Variants in GRIK1 observed in about 807,000 individuals in gnomAD.
The protein encoded by GRIK1 is glutamate ionotropic receptor kainate type subunit 1.
A neutral mutation model predicts 105.7 loss-of-function variants in GRIK1; 69 were observed. The ratio of observed to expected loss-of-function variants is 0.65; its 90% CI spans 0.54 to 0.80. The LOEUF is 0.80. Ranked by LOEUF, GRIK1 falls within the 30% of genes least tolerant of loss-of-function variation. The pLI, the probability that GRIK1 is intolerant of heterozygous loss-of-function variation, is 0.00. For missense variants in GRIK1, 1,109 were observed against 1,167.3 expected, an observed-to-expected ratio of 0.95 and a Z score of 0.73; for synonymous variants, 438 against 431.3, an observed-to-expected ratio of 1.02 and a Z score of -0.19.
chr21:29,564,843 G>A (rs1049668427), intron 14 of GRIK1, among the ~76,000 whole-genome samples: 11 of 152,160 alleles, frequency 7.2e-5, no homozygotes, highest in African/African-American at 2.4e-5. Flanking sequence ...ATTTCTAAAC[G>A]CTTACTCTCA....
At chr21:29,564,366 C>G (rs900935389) in intron 14 of GRIK1, among the ~76,000 whole-genome samples, 1 of 152,116 alleles carries the variant, frequency 6.6e-6, no homozygotes, top group Non-Finnish European at 1.5e-5. Flanking sequence ...CCGGGATGGT[C>G]TCGATCTCCT....
intron 1 of GRIK1, among the ~76,000 whole-genome samples, chr21:29,863,862 C>T (rs2068722947): frequency 6.6e-6 from 1 of 152,114 alleles, no homozygotes; most frequent in African/African-American, 2.4e-5. Context: ...CTTCAGTCAC[C>T]TACAGAATTA....
At position 29,826,129 on chromosome 21, in the gene GRIK1, C is replaced by T. The variant is rs116781016; in HGVS notation, c.118+113254G>A. Among the ~76,000 whole-genome samples, 365 of 152,186 alleles carry T rather than the reference C, an allele frequency of 2.4e-3. 2 individuals are homozygous for T. Among genetic ancestry groups the T allele is most frequent in the African/African-American group, 7.8e-3 (324 of 41,540 alleles). On this transcript the variant is annotated intron_variant, in intron 1 of 17. Coordinates refer to ENST00000327783, the MANE Select transcript of GRIK1 (RefSeq NM_001330994.2). ...TTCTCTCTTCCTCATAACAAAATTC[C>T]TGGGTGACGATCTGTATATTGGTCA...
chr21:29,723,474 T>A (rs1425694057), intron 1 of GRIK1, among the ~76,000 whole-genome samples: 1 of 152,220 alleles, frequency 6.6e-6, no homozygotes, highest in Non-Finnish European at 1.5e-5. Flanking sequence ...CAAATTTCTC[T>A]CATGAGAGGA....
intron 1 of GRIK1, among the ~76,000 whole-genome samples, chr21:29,937,055 T>C (rs1218931491): frequency 2.6e-5 from 4 of 152,168 alleles, no homozygotes; most frequent in Admixed American, 1.3e-4. Context: ...CAGGATATAA[T>C]AAAGAATACA....
intron 1 of GRIK1, among the ~76,000 whole-genome samples, chr21:29,782,285 A>G (rs1204038278): frequency 2.0e-5 from 3 of 151,326 alleles, no homozygotes; most frequent in Non-Finnish European, 4.4e-5. Context: ...ACAGGGTTTC[A>G]CCGTGTTAGC....
At chr21:29,754,141 G>C (rs1403916511) in intron 1 of GRIK1, among the ~76,000 whole-genome samples, 1 of 152,114 alleles carries the variant, frequency 6.6e-6, no homozygotes, top group Non-Finnish European at 1.5e-5. Context: ...AACCTCTCCT[G>C]CATAGTAAAA....
At chr21:29,899,978 G>T (rs1258336964) in intron 1 of GRIK1, among the ~76,000 whole-genome samples, 1 of 151,530 alleles carries the variant, frequency 6.6e-6, no homozygotes, top group East Asian at 1.9e-4. Context: ...ACTGTGCTGG[G>T]TACAGAAAAC....
At chr21:29,851,937 C>T (rs1290642483) in intron 1 of GRIK1, among the ~76,000 whole-genome samples, 2 of 152,214 alleles carry the variant, frequency 1.3e-5, no homozygotes, top group Non-Finnish European at 2.9e-5. Flanking sequence ...CTCTTAAAGA[C>T]ACTACCATTC....
chr21:29,616,365 A>G lies in GRIK1; in HGVS notation c.1099-17428T>C, dbSNP rs574259820. Reference sequence around the variant, plus strand: ...CTTTCAGCTCTAGGGGTCCTTTATCATTCTTTGACAGGCTTTTATCATTTA... The same window carrying G: ...CTTTCAGCTCTAGGGGTCCTTTATCGTTCTTTGACAGGCTTTTATCATTTA... On this transcript the variant is annotated intron_variant, in intron 7 of 17. Transcript: ENST00000327783. Among the ~76,000 whole-genome samples the G allele has an allele frequency of 2.0e-5, 3 of 152,326 alleles. No individual in the cohort carries two copies. The East Asian group carries it at 5.8e-4, about 29-fold the overall frequency.
chr21:29,879,079 G>A (rs769393750), intron 1 of GRIK1, among the ~76,000 whole-genome samples: 2 of 152,158 alleles, frequency 1.3e-5, no homozygotes, highest in Non-Finnish European at 2.9e-5. Flanking sequence ...TTAAAGATGA[G>A]TCTAAACATC....
chr21:29,537,784 G>A lies in GRIK1; in HGVS notation c.2694+14C>T, dbSNP rs1008931190. The A allele has an allele frequency of 8.5e-6, 11 of 1,296,590 alleles. No individual in the cohort carries two copies. Among genetic ancestry groups the A allele is most frequent in the Admixed American group, 5.0e-5 (3 of 59,510 alleles). 80.3% of individuals were successfully genotyped at this position (1,296,590 alleles called of 1,614,324 possible). A position where few individuals can be genotyped will look rare whatever the true frequency, so the allele number is the denominator to read the frequency against. ...ATACGGACACTTCAGTAATGCTATAGAAAATGAACAAACCTTCTCTACACC... is the reference window on the plus strand; with the variant it reads ...ATACGGACACTTCAGTAATGCTATAAAAAATGAACAAACCTTCTCTACACC... On this transcript the variant is annotated intron_variant, in intron 17 of 17. Coordinates refer to ENST00000327783, the MANE Select transcript of GRIK1 (RefSeq NM_001330994.2).
chr21:29,621,411 T>TGG (rs1467365587), intron 7 of GRIK1, among the ~76,000 whole-genome samples: 1 of 151,548 alleles, frequency 6.6e-6, no homozygotes, highest in African/African-American at 2.4e-5. Flanking sequence ...TGTGTGTGTG[T>TGG]GGGGAAGACG....
At chr21:29,695,364 T>C (rs915014816) in intron 1 of GRIK1, among the ~76,000 whole-genome samples, 3 of 152,170 alleles carry the variant, frequency 2.0e-5, no homozygotes, top group African/African-American at 7.2e-5. Flanking sequence ...CTTTTGAAAG[T>C]ACATGTTAAC....
intron 1 of GRIK1, among the ~76,000 whole-genome samples, chr21:29,925,735 C>T (rs1198159985): frequency 6.6e-6 from 1 of 152,172 alleles, no homozygotes; most frequent in Non-Finnish European, 1.5e-5. Flanking sequence ...TTCCACCTCA[C>T]TTTTTGCATC....
intron 1 of GRIK1, among the ~76,000 whole-genome samples, chr21:29,765,434 C>G (rs1416057076): frequency 3.3e-5 from 5 of 152,034 alleles, no homozygotes; most frequent in African/African-American, 1.2e-4. Context: ...ACCTTATACC[C>G]TAATGGATTC....
intron 1 of GRIK1, among the ~76,000 whole-genome samples, chr21:29,764,731 G>A (rs538150882): frequency 6.6e-6 from 1 of 152,194 alleles, no homozygotes; most frequent in South Asian, 2.1e-4. Context: ...CTACACAGTA[G>A]CAGAAATCAG....
intron 1 of GRIK1, among the ~76,000 whole-genome samples, chr21:29,762,147 T>A (rs957807586): frequency 6.6e-6 from 1 of 152,262 alleles, no homozygotes; most frequent in Non-Finnish European, 1.5e-5. Context: ...GTTCACAGTT[T>A]CCTTCATGCA....
At chr21:29,797,100 T>A (rs2066579673) in intron 1 of GRIK1, among the ~76,000 whole-genome samples, 1 of 152,156 alleles carries the variant, frequency 6.6e-6, no homozygotes, top group African/African-American at 2.4e-5. Flanking sequence ...AGGTAGCGGC[T>A]ATCAAGCTGC....
Sources: gnomAD v4.1 joint callset for allele counts (sites outside exome capture counted in the v4.1 genomes callset) on GRCh38, gnomAD v4.1.1 for gene constraint, MANE v1.5 for transcripts, NCBI Gene and HGNC (gene_info 2026-07-23, HGNC 2026-07-21) for gene names.